Variants in GLG1 observed in about 807,000 individuals in gnomAD.
The protein encoded by GLG1 is golgi glycoprotein 1.
A neutral mutation model predicts 160.5 loss-of-function variants in GLG1; 38 were observed. The observed-to-expected ratio is 0.24, with a 90% confidence interval of 0.18 to 0.31. The LOEUF (loss-of-function observed/expected upper bound fraction) is 0.31, where lower values mean the gene tolerates loss of function less well. Among genes scored for constraint, GLG1 ranks in the 10% least tolerant of loss-of-function variants. The pLI is 1.00. For synonymous variants in GLG1, 644 were observed against 543.4 expected, an observed-to-expected ratio of 1.19 and a Z score of -2.57; for missense variants, 1,373 against 1,505.2, an observed-to-expected ratio of 0.91 and a Z score of 1.45.
At chr16:74,521,403 C>A (rs937931000) in intron 2 of GLG1, among the ~76,000 whole-genome samples, 1 of 152,010 alleles carries the variant, frequency 6.6e-6, no homozygotes, top group Admixed American at 6.6e-5. Context: ...ACAGAAGTCC[C>A]GGAGAGACAT....
At chr16:74,538,450 T>C (rs1237107583) in intron 1 of GLG1, among the ~76,000 whole-genome samples, 1 of 152,174 alleles carries the variant, frequency 6.6e-6, no homozygotes, top group East Asian at 1.9e-4. Flanking sequence ...CGGGAAACTC[T>C]CCTGAGCAAG....
chr16:74,567,770 T>A (rs930440624), intron 1 of GLG1, among the ~76,000 whole-genome samples: 1 of 151,204 alleles, frequency 6.6e-6, no homozygotes, highest in South Asian at 2.1e-4. Flanking sequence ...GGGTTTCACC[T>A]TGTTAGCCAG....
intron 6 of GLG1, among the ~76,000 whole-genome samples, chr16:74,494,212 A>T (rs1447561982): frequency 6.6e-6 from 1 of 151,654 alleles, no homozygotes; most frequent in African/African-American, 2.4e-5. Flanking sequence ...AACACCTAAA[A>T]AAACCACCAC....
intron 17 of GLG1, chr16:74,468,106 T>C: frequency 2.9e-6 from 1 of 348,890 alleles, no homozygotes; most frequent in South Asian, 1.1e-4. Flanking sequence ...ACTGCTGAGA[T>C]GTGAAAATCA....
chr16:74,587,800 G>C (rs748828939), intron 1 of GLG1, among the ~76,000 whole-genome samples: 1 of 151,892 alleles, frequency 6.6e-6, no homozygotes, highest in Non-Finnish European at 1.5e-5. Flanking sequence ...AGGTTGCAGT[G>C]AGCTGAGACT....
At position 74,534,153 on chromosome 16, in the gene GLG1, C is replaced by A. The variant is rs143577700; in HGVS notation, c.439-2000G>T. On this transcript the variant is annotated intron_variant, in intron 1 of 25. Transcript: ENST00000422840. ...TATTATATAACACAGTACTTTTGAACTTTCTCCCTACTTGTCTAATAGCAG... is the reference window on the plus strand; with the variant it reads ...TATTATATAACACAGTACTTTTGAAATTTCTCCCTACTTGTCTAATAGCAG... Among the ~76,000 whole-genome samples, 328 of 152,168 alleles carry A rather than the reference C, an allele frequency of 2.2e-3. 6 individuals are homozygous for A. Among genetic ancestry groups the A allele is most frequent in the African/African-American group, 7.6e-3 (316 of 41,502 alleles).
chr16:74,474,404 C>G (rs1273810169), intron 13 of GLG1, 142 bp downstream of exon 13: 1 of 636,872 alleles, frequency 1.6e-6, no homozygotes, highest in South Asian at 1.9e-5. Context: ...CTTTATAAAG[C>G]AAACATGGAA....
intron 1 of GLG1, among the ~76,000 whole-genome samples, chr16:74,547,495 T>G (rs954158856): frequency 1.3e-5 from 2 of 152,212 alleles, no homozygotes; most frequent in Non-Finnish European, 2.9e-5. Flanking sequence ...TTTTTTCACA[T>G]TTAGCATTCT....
intron 1 of GLG1, among the ~76,000 whole-genome samples, chr16:74,579,313 G>A (rs978646305): frequency 6.6e-6 from 1 of 152,050 alleles, no homozygotes. Flanking sequence ...GGTGGTGGAG[G>A]CTGAGACAGG....
intron 1 of GLG1, among the ~76,000 whole-genome samples, chr16:74,580,241 T>C (rs1045501990): frequency 2.0e-5 from 3 of 152,094 alleles, no homozygotes; most frequent in South Asian, 2.1e-4. Context: ...CCCAGCACTT[T>C]GGGAGGCTGA....
chr16:74,508,581 C>G (rs1055706368), intron 3 of GLG1, among the ~76,000 whole-genome samples: 15 of 152,144 alleles, frequency 9.9e-5, no homozygotes, highest in Non-Finnish European at 1.8e-4. Context: ...AGCACTGATA[C>G]CTCAGCACTT....
At chr16:74,458,079 A>G in intron 23 of GLG1, 85 bp from the exon 24 acceptor site, 4 of 1,337,182 alleles carry the variant, frequency 3.0e-6, no homozygotes. Flanking sequence ...ATATACTAAT[A>G]AAAAAGGGGG....
At chr16:74,559,458 G>C (rs1414534561) in intron 1 of GLG1, among the ~76,000 whole-genome samples, 1 of 142,528 alleles carries the variant, frequency 7.0e-6, no homozygotes, top group African/African-American at 2.5e-5. Flanking sequence ...AAAGGTGAGG[G>C]TAAGGCTGGG....
rs144151135 is a variant in GLG1, at chr16:74,481,322, C to A, written c.1674-928G>T. Among the ~76,000 whole-genome samples, 197 of 152,326 alleles carry A rather than the reference C, an allele frequency of 1.3e-3. 1 individual carries two copies. Among genetic ancestry groups the A allele is most frequent in the African/African-American group, 4.6e-3 (191 of 41,584 alleles). On this transcript the variant is annotated intron_variant, in intron 10 of 25. Transcript: ENST00000422840. ...AGTGGATTAGACAATGAGCCTGCTT[C>A]TTCTCCACATCAGACCAGGGCATGC...
chr16:74,561,081 C>A (rs1394890878), intron 1 of GLG1, among the ~76,000 whole-genome samples: 1 of 152,132 alleles, frequency 6.6e-6, no homozygotes, highest in Non-Finnish European at 1.5e-5. Context: ...CTGGGGGTGC[C>A]CAGCTGGAGG....
chr16:74,525,457 T>C (rs952068336), intron 2 of GLG1, among the ~76,000 whole-genome samples: 1 of 152,076 alleles, frequency 6.6e-6, no homozygotes, highest in African/African-American at 2.4e-5. Flanking sequence ...CCTGGCTACA[T>C]TTTTAAAATT....
chr16:74,565,047 A>T (rs2018614852), intron 1 of GLG1, among the ~76,000 whole-genome samples: 1 of 152,198 alleles, frequency 6.6e-6, no homozygotes, highest in Non-Finnish European at 1.5e-5. Flanking sequence ...GACAAACAAT[A>T]CAAAATTGAG....
At chr16:74,534,544 T>C (rs1302961816) in intron 1 of GLG1, among the ~76,000 whole-genome samples, 2 of 152,076 alleles carry the variant, frequency 1.3e-5, no homozygotes, top group Non-Finnish European at 2.9e-5. Flanking sequence ...TCAAATAAGA[T>C]GTAAGCTCCC....
At chr16:74,544,620 CCTTA>C (rs2017994029) in intron 1 of GLG1, among the ~76,000 whole-genome samples, 1 of 152,174 alleles carries the variant, frequency 6.6e-6, no homozygotes, top group Non-Finnish European at 1.5e-5. Context: ...GACCCTCTTG[CCTTA>C]CTTAGTCTTA....
Sources: allele counts gnomAD v4.1 joint callset (sites outside exome capture counted in the v4.1 genomes callset), GRCh38; gene constraint gnomAD v4.1.1; transcripts MANE v1.5; gene names NCBI Gene and HGNC (gene_info 2026-07-23, HGNC 2026-07-21).